Variants in CAB39L observed in about 807,000 individuals in gnomAD.
CAB39L encodes the protein calcium binding protein 39 like.
CAB39L carries 23 observed loss-of-function variants against 39.1 expected under a neutral mutation model. The ratio of observed to expected loss-of-function variants is 0.59; its 90% CI spans 0.42 to 0.83. The LOEUF (loss-of-function observed/expected upper bound fraction) is 0.83, where lower values mean the gene tolerates loss of function less well. Among genes scored for constraint, CAB39L ranks in the 40% least tolerant of loss-of-function variants. CAB39L has a pLI of 0.00. For synonymous variants in CAB39L, 126 were observed against 137.2 expected (o/e 0.92, Z 0.57); for missense variants, 366 against 391.9 (o/e 0.93, Z 0.56).
At chr13:49,429,986 T>G (rs979981994) in intron 3 of CAB39L, among the ~76,000 whole-genome samples, 2 of 152,212 alleles carry the variant, frequency 1.3e-5, no homozygotes, top group African/African-American at 4.8e-5. Flanking sequence ...TAACCAACAT[T>G]CATTTGTACA....
intron 3 of CAB39L, among the ~76,000 whole-genome samples, chr13:49,398,498 T>TA (rs1040329364): frequency 6.6e-6 from 1 of 152,026 alleles, no homozygotes; most frequent in Non-Finnish European, 1.5e-5. Flanking sequence ...AAATACTTGT[T>TA]AAGAACCTAT....
At chr13:49,351,765 C>T (rs1263887239) in intron 6 of CAB39L, among the ~76,000 whole-genome samples, 1 of 152,102 alleles carries the variant, frequency 6.6e-6, no homozygotes, top group East Asian at 1.9e-4. Flanking sequence ...GTGGTGGATA[C>T]TGTTCGGAGG....
At chr13:49,328,302 G>A (rs970927828) in intron 10 of CAB39L, among the ~76,000 whole-genome samples, 2 of 152,144 alleles carry the variant, frequency 1.3e-5, no homozygotes, top group African/African-American at 2.4e-5. Flanking sequence ...ACATAAAGTG[G>A]TATCTCATTG....
chr13:49,335,244 T>A (rs1393852332), intron 9 of CAB39L, among the ~76,000 whole-genome samples: 1 of 152,204 alleles, frequency 6.6e-6, no homozygotes, highest in African/African-American at 2.4e-5. Flanking sequence ...AAGGAAAATT[T>A]CATTTTTGAA....
At chr13:49,346,346 A>C (rs778483975) in intron 7 of CAB39L, among the ~76,000 whole-genome samples, 77 of 149,606 alleles carry the variant, frequency 5.1e-4, no homozygotes, top group Non-Finnish European at 9.8e-4. Context: ...AAAAAAAAAA[A>C]AGAAACCACA....
intron 4 of CAB39L, among the ~76,000 whole-genome samples, chr13:49,377,760 C>A (rs1403076641): frequency 5.7e-5 from 5 of 88,204 alleles, no homozygotes; most frequent in South Asian, 3.7e-4. Context: ...ACCTCCCAGC[C>A]GCCTGCCTTG....
intron 10 of CAB39L, among the ~76,000 whole-genome samples, chr13:49,329,542 AAAATATATATATATATATATAT>A (rs1161437357): frequency 4.7e-4 from 18 of 38,428 alleles, no homozygotes; most frequent in African/African-American, 1.3e-3. Context: ...ATTAAAAAAA[AAAATATATATATATATATATAT>A]ATATATATAT....
intron 3 of CAB39L, among the ~76,000 whole-genome samples, chr13:49,431,173 G>A (rs1379050425): frequency 1.3e-5 from 2 of 151,946 alleles, no homozygotes; most frequent in Non-Finnish European, 2.9e-5. Flanking sequence ...TTTCCTTGTT[G>A]TCTCCTCTGC....
At chr13:49,332,482 T>C (rs1954735467) in intron 9 of CAB39L, among the ~76,000 whole-genome samples, 1 of 152,170 alleles carries the variant, frequency 6.6e-6, no homozygotes, top group Non-Finnish European at 1.5e-5. Flanking sequence ...CCTGCATAAA[T>C]GTATGCTAGG....
chr13:49,408,225 G>A (rs373677205), intron 3 of CAB39L, among the ~76,000 whole-genome samples: 4 of 152,162 alleles, frequency 2.6e-5, no homozygotes, highest in South Asian at 4.2e-4. Flanking sequence ...ATTGAGAGAC[G>A]AGTCAAGATC....
intron 10 of CAB39L, among the ~76,000 whole-genome samples, chr13:49,317,313 T>A (rs565297882): frequency 3.3e-5 from 5 of 152,198 alleles, no homozygotes; most frequent in Non-Finnish European, 5.9e-5. Flanking sequence ...GCGAATCGCT[T>A]GAGCCCAGAT....
At chr13:49,411,646 G>T (rs1213395812) in intron 3 of CAB39L, among the ~76,000 whole-genome samples, 1 of 151,990 alleles carries the variant, frequency 6.6e-6, no homozygotes, top group African/African-American at 2.4e-5. Context: ...ACATTTGGTA[G>T]CTCTATCTCA....
chr13:49,431,913 TGTGGTATATTCATAAA>T (rs1325213940), intron 3 of CAB39L, among the ~76,000 whole-genome samples: 2 of 152,038 alleles, frequency 1.3e-5, no homozygotes, highest in Non-Finnish European at 2.9e-5. Context: ...ATAAACAAAT[TGTGGTATATTCATAAA>T]GTGACATACT....
At chr13:49,434,510 G>C (rs7987940) in intron 1 of CAB39L, among the ~76,000 whole-genome samples, 90,879 of 151,858 alleles carry the variant, frequency 0.6, 27,342 homozygotes, top group Non-Finnish European at 0.61. Flanking sequence ...CGAATTTCCA[G>C]ACTAAATTTT....
At chr13:49,373,901 G>C (rs1019534686) in intron 5 of CAB39L, among the ~76,000 whole-genome samples, 1 of 152,170 alleles carries the variant, frequency 6.6e-6, no homozygotes, top group Non-Finnish European at 1.5e-5. Context: ...GCTTGAGAAG[G>C]AGAGTTGCTG....
Position 49,377,039 on chromosome 13 carries a change from C to T in CAB39L, c.204G>A (p.Gln68=), listed in dbSNP as rs1242644210. 7.4e-6 allele frequency: 12 copies of T among 1,613,880 alleles called. No homozygotes were observed. The highest frequency in any genetic ancestry group is 1.0e-5 in the Non-Finnish European group (12 of 1,179,760). ...EKEPPTEAVA[Q]LAQELYSSGL... is the part of the protein sequence containing the mutation. ...CACTGCTGTAGAGTTCTTGTGCTAG[C>T]TGAGCCACTGCTTCTGTTGGGGGTT... Residue 68 remains glutamine, a synonymous_variant, in exon 5 of 11, where the codon CAG becomes CAA. Coordinates refer to ENST00000409308, the MANE Select transcript of CAB39L (RefSeq NM_001079670.3).
intron 10 of CAB39L, among the ~76,000 whole-genome samples, chr13:49,330,091 A>C (rs1954645942): frequency 6.6e-6 from 1 of 152,182 alleles, no homozygotes. Context: ...CGTTGAGACG[A>C]TGCCAGCCTG....
At chr13:49,413,932 G>C (rs1335350230) in intron 3 of CAB39L, 1 of 151,428 alleles carries the variant, frequency 6.6e-6, no homozygotes, top group Non-Finnish European at 1.5e-5. Flanking sequence ...ATCTCTTCTA[G>C]TTCCAAATAT....
intron 10 of CAB39L, among the ~76,000 whole-genome samples, chr13:49,312,957 CA>C (rs1462034034): frequency 6.6e-6 from 1 of 152,152 alleles, no homozygotes; most frequent in East Asian, 1.9e-4. Context: ...AGTGTGCCAC[CA>C]TCTCTGGGCA....
Sources: allele counts gnomAD v4.1 joint callset (sites outside exome capture counted in the v4.1 genomes callset), GRCh38; gene constraint gnomAD v4.1.1; transcripts MANE v1.5; gene names NCBI Gene and HGNC (gene_info 2026-07-23, HGNC 2026-07-21).